Variants in SLC49A4 observed in about 807,000 individuals in gnomAD.
SLC49A4 encodes solute carrier family 49 member 4, also known as disrupted in renal cancer protein 2.
SLC49A4 carries 36 observed loss-of-function variants against 50.6 expected under a neutral mutation model. That is an observed-to-expected ratio of 0.71 (90% CI 0.55 to 0.94). The LOEUF (loss-of-function observed/expected upper bound fraction) is 0.94, where lower values mean the gene tolerates loss of function less well. Ranked by LOEUF, SLC49A4 falls within the 40% of genes least tolerant of loss-of-function variation. The probability of loss-of-function intolerance (pLI) is 0.00; values close to 1 mark genes in which losing one functional copy is unlikely to be tolerated. For missense variants in SLC49A4, 503 were observed against 605.7 expected, an observed-to-expected ratio of 0.83 and a Z score of 1.78; for synonymous variants, 248 against 241.2, an observed-to-expected ratio of 1.03 and a Z score of -0.26.
At chr3:122,854,366 A>G (rs1936959949) in intron 5 of SLC49A4, among the ~76,000 whole-genome samples, 1 of 152,262 alleles carries the variant, frequency 6.6e-6, no homozygotes, top group Non-Finnish European at 1.5e-5. Flanking sequence ...TAGACCTCCA[A>G]AATTCTGAGA....
chr3:122,842,197 A>G (rs185018585), intron 4 of SLC49A4, among the ~76,000 whole-genome samples: 2 of 151,930 alleles, frequency 1.3e-5, no homozygotes, highest in East Asian at 3.9e-4. Context: ...ACAAGATTGC[A>G]GATGTTAGGC....
intron 1 of SLC49A4, among the ~76,000 whole-genome samples, chr3:122,802,150 AAAT>A (rs1256122736): frequency 2.0e-5 from 3 of 152,132 alleles, no homozygotes; most frequent in African/African-American, 7.2e-5. Context: ...TATCTCTAAA[AAAT>A]AATAATAAAT....
At chr3:122,826,660 A>C (rs1936532619) in intron 2 of SLC49A4, 140 bp from the exon 3 acceptor site, 1 of 800,396 alleles carries the variant, frequency 1.2e-6, no homozygotes, top group Non-Finnish European at 2.0e-6. Flanking sequence ...GTAAATCAAC[A>C]TGTCTTTTAG....
At chr3:122,795,633 A>G in intron 1 of SLC49A4, 98 bp downstream of exon 1, 1 of 1,483,392 alleles carries the variant, frequency 6.7e-7, no homozygotes, top group African/African-American at 1.5e-5. Flanking sequence ...TGGCCCCGGC[A>G]TAGGGGTTGT....
intron 8 of SLC49A4, among the ~76,000 whole-genome samples, chr3:122,874,756 C>T (rs1937241696): frequency 6.6e-6 from 1 of 152,164 alleles, no homozygotes; most frequent in Non-Finnish European, 1.5e-5. Context: ...AATTTTAATC[C>T]ACCAAGGTGG....
chr3:122,868,790 A>C (rs375148413), intron 7 of SLC49A4, among the ~76,000 whole-genome samples: 1 of 152,254 alleles, frequency 6.6e-6, no homozygotes, highest in Non-Finnish European at 1.5e-5. Flanking sequence ...CCTCTTGGTC[A>C]TCACTTTTAT....
chr3:122,812,534 T>C (rs1376471239), intron 2 of SLC49A4, among the ~76,000 whole-genome samples: 1 of 152,194 alleles, frequency 6.6e-6, no homozygotes, highest in East Asian at 1.9e-4. Context: ...TCCAACCCAG[T>C]CCCACTTAGT....
intron 2 of SLC49A4, among the ~76,000 whole-genome samples, chr3:122,814,534 A>G (rs1361634116): frequency 1.3e-5 from 2 of 152,238 alleles, no homozygotes; most frequent in African/African-American, 4.8e-5. Context: ...ATTTAAATGT[A>G]TAATTCAACA....
intron 1 of SLC49A4, among the ~76,000 whole-genome samples, chr3:122,806,121 A>G (rs1337016746): frequency 6.6e-6 from 1 of 152,192 alleles, no homozygotes; most frequent in African/African-American, 2.4e-5. Flanking sequence ...GCAGTACTCT[A>G]TCACCTTAAA....
At chr3:122,846,410 TA>T (rs748925869) in intron 5 of SLC49A4, among the ~76,000 whole-genome samples, 187 of 145,972 alleles carry the variant, frequency 1.3e-3, no homozygotes, top group East Asian at 2.4e-3. Flanking sequence ...ATTGTATGAG[TA>T]AAAAAAAAAA....
At chr3:122,801,820 A>C (rs926470086) in intron 1 of SLC49A4, among the ~76,000 whole-genome samples, 3 of 152,148 alleles carry the variant, frequency 2.0e-5, no homozygotes, top group Non-Finnish European at 4.4e-5. Context: ...ATAATGAGCC[A>C]AGACATCTTT....
intron 4 of SLC49A4, among the ~76,000 whole-genome samples, chr3:122,834,132 G>C (rs144463512): frequency 6.6e-6 from 1 of 152,116 alleles, no homozygotes; most frequent in Non-Finnish European, 1.5e-5. Context: ...TTCACAGGTA[G>C]TTGTTATGAG....
intron 4 of SLC49A4, 148 bp downstream of exon 4, chr3:122,833,594 A>C: frequency 1.3e-6 from 1 of 746,422 alleles, no homozygotes; most frequent in Non-Finnish European, 1.9e-6. Flanking sequence ...AATATTTTAG[A>C]TTTCCTACCA....
intron 4 of SLC49A4, among the ~76,000 whole-genome samples, chr3:122,841,315 C>T (rs1448157717): frequency 1.3e-5 from 2 of 152,200 alleles, no homozygotes; most frequent in Admixed American, 6.5e-5. Flanking sequence ...TGCAACATGC[C>T]GTCTTCTCTT....
At chr3:122,836,616 A>G (rs538957773) in intron 4 of SLC49A4, among the ~76,000 whole-genome samples, 1 of 151,998 alleles carries the variant, frequency 6.6e-6, no homozygotes, top group Non-Finnish European at 1.5e-5. Context: ...CTGTGAATCC[A>G]TCTGGTCCTA....
At chr3:122,827,381 A>G (rs961229582) in intron 3 of SLC49A4, among the ~76,000 whole-genome samples, 1 of 152,252 alleles carries the variant, frequency 6.6e-6, no homozygotes, top group Non-Finnish European at 1.5e-5. Flanking sequence ...TTATCAGGAT[A>G]TAAAACGTCA....
chr3:122,833,629 A>G (rs1484894371), intron 4 of SLC49A4, among the ~76,000 whole-genome samples, 183 bp downstream of exon 4: 1 of 152,148 alleles, frequency 6.6e-6, no homozygotes, highest in Non-Finnish European at 1.5e-5. Context: ...AAAATCACCA[A>G]AAACAAAAAC....
chr3:122,856,092 A>G (rs957997272), intron 5 of SLC49A4, among the ~76,000 whole-genome samples: 3 of 152,186 alleles, frequency 2.0e-5, no homozygotes, highest in African/African-American at 7.2e-5. Flanking sequence ...ACTTGAAAAT[A>G]TTTGTTTGAT....
chr3:122,797,181 G>A (rs1166200445), intron 1 of SLC49A4, among the ~76,000 whole-genome samples: 10 of 146,806 alleles, frequency 6.8e-5, no homozygotes, highest in African/African-American at 2.5e-4. Flanking sequence ...GGACAGTTTA[G>A]GCATAGAAAC....
Sources: gnomAD v4.1 joint callset for allele counts (sites outside exome capture counted in the v4.1 genomes callset) on GRCh38, gnomAD v4.1.1 for gene constraint, MANE v1.5 for transcripts, NCBI Gene and HGNC (gene_info 2026-07-23, HGNC 2026-07-21) for gene names.